EFCAB6: variants seen among roughly 807,000 people sequenced by gnomAD.
EFCAB6 encodes EF-hand calcium-binding domain-containing protein 6.
In EFCAB6, 156 loss-of-function variants were observed where a neutral mutation model predicts 169.8. The ratio of observed to expected loss-of-function variants is 0.92; its 90% CI spans 0.81 to 1.05. The LOEUF (loss-of-function observed/expected upper bound fraction) is 1.05, where lower values mean the gene tolerates loss of function less well. Ranked by LOEUF, EFCAB6 falls within the 50% of genes least tolerant of loss-of-function variation. The pLI is 0.00. For synonymous variants in EFCAB6, 698 were observed against 676.4 expected, an observed-to-expected ratio of 1.03 and a Z score of -0.50; for missense variants, 1,800 against 1,829.1, an observed-to-expected ratio of 0.98 and a Z score of 0.29.
At chr22:43,546,208 C>T (rs1410649851) in intron 27 of EFCAB6, among the ~76,000 whole-genome samples, 4 of 152,088 alleles carry the variant, frequency 2.6e-5, no homozygotes, top group Non-Finnish European at 2.9e-5. Context: ...CAAACACATA[C>T]ACTTCCTTGA....
chr22:43,762,347 A>C (rs1361352548), intron 5 of EFCAB6, among the ~76,000 whole-genome samples: 1 of 152,120 alleles, frequency 6.6e-6, no homozygotes, highest in East Asian at 1.9e-4. Context: ...TCTTGTCTCC[A>C]TACTCCAAAT....
chr22:43,568,500 G>C (rs1262305322), intron 26 of EFCAB6, among the ~76,000 whole-genome samples: 1 of 152,194 alleles, frequency 6.6e-6, no homozygotes. Context: ...GCCTGCCTGG[G>C]CTGGTTGCAC....
At chr22:43,773,710 G>A (rs1236411869) in intron 3 of EFCAB6, among the ~76,000 whole-genome samples, 3 of 152,196 alleles carry the variant, frequency 2.0e-5, no homozygotes, top group Non-Finnish European at 4.4e-5. Flanking sequence ...AGCTGGGTGT[G>A]GTGGCACATG....
chr22:43,792,179 G>A (rs1035618779), intron 2 of EFCAB6, among the ~76,000 whole-genome samples: 1 of 152,194 alleles, frequency 6.6e-6, no homozygotes, highest in African/African-American at 2.4e-5. Flanking sequence ...ACAGGACACA[G>A]AATGAAACAC....
At chr22:43,597,709 A>G (rs2052126904) in intron 23 of EFCAB6, among the ~76,000 whole-genome samples, 1 of 152,316 alleles carries the variant, frequency 6.6e-6, no homozygotes, top group East Asian at 1.9e-4. Context: ...CAACCACCGT[A>G]TGATCCAGAA....
chr22:43,598,480 T>C (rs1339176927), intron 23 of EFCAB6, among the ~76,000 whole-genome samples: 1 of 151,804 alleles, frequency 6.6e-6, no homozygotes, highest in Non-Finnish European at 1.5e-5. Context: ...ATAGAAGGAA[T>C]AAATTTTAGT....
At chr22:43,720,795 A>T (rs960262427) in intron 8 of EFCAB6, among the ~76,000 whole-genome samples, 1 of 152,162 alleles carries the variant, frequency 6.6e-6, no homozygotes, top group South Asian at 2.1e-4. Flanking sequence ...GATATGAATC[A>T]CTGAGAAGAA....
In EFCAB6 at chr22:43,784,893, A is replaced by C. The variant is rs149949834; in HGVS notation, c.-7-2568T>G. On this transcript the variant is annotated intron_variant, in intron 2 of 31. Transcript: ENST00000262726. ...CCTGTCTCTAAATAAATTTTTTTTAAAAAGAAAGAAACAAAAGAAAATGAA... is the reference window on the plus strand; with the variant it reads ...CCTGTCTCTAAATAAATTTTTTTTACAAAGAAAGAAACAAAAGAAAATGAA... Among the ~76,000 whole-genome samples the C allele has an allele frequency of 2.5e-3, 379 of 151,446 alleles. 1 individual carries two copies. Among genetic ancestry groups the C allele is most frequent in the Middle Eastern group, 0.014 (4 of 294 alleles).
At chr22:43,790,140 G>A (rs2062231092) in intron 2 of EFCAB6, among the ~76,000 whole-genome samples, 1 of 152,140 alleles carries the variant, frequency 6.6e-6, no homozygotes, top group South Asian at 2.1e-4. Context: ...GCCTTGCACT[G>A]TACAGTCTAG....
rs1253185182 is a variant in EFCAB6 at position 43,784,587 on chromosome 22, A to ATG, written c.-7-2263_-7-2262insCA. Among the ~76,000 whole-genome samples, 3 of 54,164 alleles carry ATG rather than the reference A, an allele frequency of 5.5e-5. No homozygotes were observed. The Admixed American group carries it at 7.5e-4, about 14-fold the overall frequency. 35.5% of individuals were successfully genotyped at this position (54,164 alleles called of 152,430 possible). A position where few individuals can be genotyped will look rare whatever the true frequency, so the allele number is the denominator to read the frequency against. On this transcript the variant is annotated intron_variant, in intron 2 of 31. Coordinates refer to ENST00000262726, the MANE Select transcript of EFCAB6 (RefSeq NM_022785.4). ...TATATATGTGTACATATACACATAT[A>ATG]TATGTATATATACACATATATATGT...
chr22:43,649,883 C>T (rs1050698638), intron 17 of EFCAB6, among the ~76,000 whole-genome samples: 3 of 152,142 alleles, frequency 2.0e-5, no homozygotes, highest in Admixed American at 6.5e-5. Flanking sequence ...ACGGCCCAGG[C>T]AGACAGAGAA....
chr22:43,615,941 A>C lies in EFCAB6; in HGVS notation c.2466-19T>G, dbSNP rs749507703. On this transcript the variant is annotated intron_variant, in intron 20 of 31. Transcript: ENST00000262726. ...TTTTGGTCTTAAAAGAAAAAAAATAATAAATAACTGTGTTTAAATTTAATG... is the reference window on the plus strand; with the variant it reads ...TTTTGGTCTTAAAAGAAAAAAAATACTAAATAACTGTGTTTAAATTTAATG... The C allele has an allele frequency of 1.3e-6, 2 of 1,597,870 alleles. No homozygotes were observed. Among genetic ancestry groups the C allele is most frequent in the Admixed American group, 1.7e-5 (1 of 59,210 alleles).
intron 2 of EFCAB6, among the ~76,000 whole-genome samples, chr22:43,791,980 A>G (rs1457002087): frequency 6.6e-6 from 1 of 152,132 alleles, no homozygotes; most frequent in East Asian, 1.9e-4. Context: ...GCCAATGGAG[A>G]TGGGATCCCA....
intron 27 of EFCAB6, among the ~76,000 whole-genome samples, chr22:43,540,856 G>A (rs1264758114): frequency 6.6e-6 from 1 of 152,118 alleles, no homozygotes; most frequent in Non-Finnish European, 1.5e-5. Context: ...GGCAAAAAAT[G>A]TCTTCTCACA....
At chr22:43,540,810 C>A (rs1025547768) in intron 27 of EFCAB6, among the ~76,000 whole-genome samples, 2 of 152,172 alleles carry the variant, frequency 1.3e-5, no homozygotes, top group African/African-American at 4.8e-5. Context: ...AGCCCTCAGC[C>A]CCTGCACTTG....
At chr22:43,583,917 T>C (rs1470727506) in intron 24 of EFCAB6, among the ~76,000 whole-genome samples, 1 of 152,160 alleles carries the variant, frequency 6.6e-6, no homozygotes, top group Non-Finnish European at 1.5e-5. Flanking sequence ...TTTTCAGCAA[T>C]TGGTGTAATC....
intron 27 of EFCAB6, among the ~76,000 whole-genome samples, chr22:43,544,470 G>A (rs1029039753): frequency 6.6e-6 from 1 of 152,136 alleles, no homozygotes; most frequent in African/African-American, 2.4e-5. Context: ...TGCCTGCAAG[G>A]TGGAAGGAAG....
chr22:43,658,502 G>T (rs2056854309), intron 17 of EFCAB6, among the ~76,000 whole-genome samples: 1 of 152,174 alleles, frequency 6.6e-6, no homozygotes, highest in African/African-American at 2.4e-5. Context: ...TTGCAGACAG[G>T]AGCCGAACTC....
chr22:43,656,112 C>T (rs2056725879), intron 17 of EFCAB6, among the ~76,000 whole-genome samples: 1 of 152,050 alleles, frequency 6.6e-6, no homozygotes, highest in Non-Finnish European at 1.5e-5. Context: ...GGTAAGGGGC[C>T]GGGTGCAGTG....
Sources: allele counts gnomAD v4.1 joint callset (sites outside exome capture counted in the v4.1 genomes callset), GRCh38; gene constraint gnomAD v4.1.1; transcripts MANE v1.5; gene names NCBI Gene and HGNC (gene_info 2026-07-23, HGNC 2026-07-21).